The following DENND5A variants were observed in gnomAD, a reference collection of about 807,000 sequenced individuals.
DENND5A encodes DENN domain containing 5A.
In DENND5A, 64 loss-of-function variants were observed where a neutral mutation model predicts 140.3. That is an observed-to-expected ratio of 0.46 (90% CI 0.37 to 0.56). The LOEUF (loss-of-function observed/expected upper bound fraction) is 0.56, where lower values mean the gene tolerates loss of function less well. DENND5A is among the 20% of genes least tolerant of loss of function. The pLI, the probability that DENND5A is intolerant of heterozygous loss-of-function variation, is 0.00. For missense variants in DENND5A, 1,292 were observed against 1,593.8 expected (o/e 0.81, Z 3.22); for synonymous variants, 605 against 607.7 (o/e 1.00, Z 0.07).
Position 9,253,090 on chromosome 11 carries a change from C to A in DENND5A, c.109+11871G>T, listed in dbSNP as rs546252582. Among the ~76,000 whole-genome samples the A allele has an allele frequency of 2.0e-5, 3 of 152,146 alleles. No homozygotes were observed. In the East Asian group the frequency reaches 5.8e-4, roughly 29 times the overall value. ...TTGTCTCAAACTCCTGGCCTAAAGCCATCCTCCCCCACTCGGCCCCTCAAA... is the reference window on the plus strand; with the variant it reads ...TTGTCTCAAACTCCTGGCCTAAAGCAATCCTCCCCCACTCGGCCCCTCAAA... On this transcript the variant is annotated intron_variant, in intron 1 of 22. Coordinates refer to ENST00000328194, the MANE Select transcript of DENND5A (RefSeq NM_015213.4).
chr11:9,158,933 C>A (rs1159047450), intron 12 of DENND5A, among the ~76,000 whole-genome samples: 1 of 152,160 alleles, frequency 6.6e-6, no homozygotes, highest in Non-Finnish European at 1.5e-5. Context: ...GTTGTGCAAT[C>A]ATCACCACTA....
At chr11:9,164,218 TTTTTTTTTTTTTTTA>T (rs1564890353) in intron 11 of DENND5A, among the ~76,000 whole-genome samples, 4 of 75,310 alleles carry the variant, frequency 5.3e-5, no homozygotes, top group Non-Finnish European at 8.2e-5. Context: ...TTTTTTTTTT[TTTTTTTTTTTTTTTA>T]GTAGAGATGA....
chr11:9,242,684 A>T (rs1590326923), intron 1 of DENND5A: 1 of 152,242 alleles, frequency 6.6e-6, no homozygotes, highest in Admixed American at 6.5e-5. Flanking sequence ...ACAACCATTA[A>T]CTTAAATATC....
intron 4 of DENND5A, among the ~76,000 whole-genome samples, chr11:9,199,134 T>C (rs1429789807): frequency 6.6e-6 from 1 of 151,870 alleles, no homozygotes; most frequent in African/African-American, 2.4e-5. Flanking sequence ...GTGACTTAAC[T>C]GACTTTTTTG....
rs777621424 is a variant in DENND5A at position 9,180,764 on chromosome 11, T to C, written c.1455+3A>G. 2 of 1,613,374 alleles carry C rather than the reference T, an allele frequency of 1.2e-6. No homozygotes were observed. The highest frequency in any genetic ancestry group is 1.7e-5 in the Admixed American group (1 of 59,964). The stretch of plus-strand genomic sequence containing the variant: ...GTGTCACAGACTCATATACACATCT[T>C]ACCTTTTCCAGGCTCACCCCAGTTC... On this transcript the variant is annotated splice_donor_region_variant and intron_variant, in intron 6 of 22. Transcript: ENST00000328194.
chr11:9,238,521 A>G lies in DENND5A; in HGVS notation c.109+26440T>C, dbSNP rs966227872. On this transcript the variant is annotated intron_variant, in intron 1 of 22. Transcript: ENST00000328194. ...AACCTCTGCTTCCCGGGTTCACGCCATTCTCCTGCATCAGCTTCCCGAGTA... is the reference window on the plus strand; with the variant it reads ...AACCTCTGCTTCCCGGGTTCACGCCGTTCTCCTGCATCAGCTTCCCGAGTA... Among the ~76,000 whole-genome samples the G allele has an allele frequency of 4.6e-5, 7 of 150,782 alleles. No individual in the cohort carries two copies. In the South Asian group the frequency reaches 1.3e-3, roughly 27 times the overall value.
At chr11:9,260,987 C>A (rs1852170371) in intron 1 of DENND5A, among the ~76,000 whole-genome samples, 1 of 151,936 alleles carries the variant, frequency 6.6e-6, no homozygotes, top group Non-Finnish European at 1.5e-5. Flanking sequence ...CAGCTGGGAC[C>A]ACAGGTGCAT....
At chr11:9,218,831 C>T (rs532941637) in intron 1 of DENND5A, among the ~76,000 whole-genome samples, 1 of 152,154 alleles carries the variant, frequency 6.6e-6, no homozygotes, top group Admixed American at 6.5e-5. Context: ...CATGGTGAAA[C>T]CCCACCTCTA....
intron 8 of DENND5A, among the ~76,000 whole-genome samples, chr11:9,177,220 C>T (rs950835333): frequency 3.2e-4 from 48 of 149,952 alleles, no homozygotes; most frequent in African/African-American, 1.2e-3. Context: ...CACCACTACC[C>T]TCCAGCCTAG....
chr11:9,197,665 A>G (rs1397372280), intron 4 of DENND5A, among the ~76,000 whole-genome samples: 1 of 152,172 alleles, frequency 6.6e-6, no homozygotes, highest in Non-Finnish European at 1.5e-5. Flanking sequence ...ACTGCACTCT[A>G]GCCTGGGCAA....
intron 11 of DENND5A, among the ~76,000 whole-genome samples, chr11:9,165,366 T>C (rs905345822): frequency 1.3e-5 from 2 of 152,200 alleles, no homozygotes; most frequent in African/African-American, 4.8e-5. Flanking sequence ...TCTCAATTAA[T>C]GGTATATTTT....
Position 9,217,374 on chromosome 11 carries a change from C to T in DENND5A, c.110-9742G>A, listed in dbSNP as rs145387085. On this transcript the variant is annotated intron_variant, in intron 1 of 22. Transcript: ENST00000328194. ...ACTAAAAATGCAAAAATTAGCCAGG[C>T]GTGGTGGGGCACACCTGTAGTTCCA... Among the ~76,000 whole-genome samples, 846 of 152,084 alleles carry T rather than the reference C, an allele frequency of 5.6e-3. 11 individuals are homozygous for T. Among genetic ancestry groups the T allele is most frequent in the African/African-American group, 0.019 (790 of 41,502 alleles).
intron 1 of DENND5A, among the ~76,000 whole-genome samples, chr11:9,237,868 G>A (rs1263156275): frequency 1.3e-5 from 2 of 152,156 alleles, no homozygotes; most frequent in African/African-American, 4.8e-5. Context: ...GGGCGACAGA[G>A]CGAGGCTCCA....
At chr11:9,264,357 A>T (rs1852347282) in intron 1 of DENND5A, among the ~76,000 whole-genome samples, 1 of 152,116 alleles carries the variant, frequency 6.6e-6, no homozygotes, top group Non-Finnish European at 1.5e-5. Context: ...CAAAAAAGGC[A>T]TGGCCCCGGG....
chr11:9,243,164 C>A (rs1293399924), intron 1 of DENND5A, among the ~76,000 whole-genome samples: 2 of 145,038 alleles, frequency 1.4e-5, no homozygotes, highest in Non-Finnish European at 3.0e-5. Flanking sequence ...TGGAGACTAA[C>A]TCAATGACTT....
chr11:9,191,992 C>T (rs1384426747), intron 5 of DENND5A, among the ~76,000 whole-genome samples: 1 of 152,196 alleles, frequency 6.6e-6, no homozygotes, highest in Admixed American at 6.5e-5. Flanking sequence ...ATTATCTCAA[C>T]TCAATGATTT....
chr11:9,184,676 G>A (rs1487562466), intron 5 of DENND5A, among the ~76,000 whole-genome samples: 3 of 152,180 alleles, frequency 2.0e-5, no homozygotes, highest in African/African-American at 2.4e-5. Context: ...TCGTGTATTT[G>A]ATTTCACTTC....
intron 10 of DENND5A, among the ~76,000 whole-genome samples, chr11:9,166,606 G>A (rs1848200662): frequency 6.6e-6 from 1 of 151,956 alleles, no homozygotes; most frequent in East Asian, 1.9e-4. Flanking sequence ...GGCTGAGGTG[G>A]GTGGATCACA....
At chr11:9,190,804 G>A (rs535500881) in intron 5 of DENND5A, among the ~76,000 whole-genome samples, 4 of 152,228 alleles carry the variant, frequency 2.6e-5, no homozygotes, top group African/African-American at 7.2e-5. Context: ...TTATGCTTTT[G>A]TGCACTGTTA....
Sources: gnomAD v4.1 joint callset for allele counts (sites outside exome capture counted in the v4.1 genomes callset) on GRCh38, gnomAD v4.1.1 for gene constraint, MANE v1.5 for transcripts, NCBI Gene and HGNC (gene_info 2026-07-23, HGNC 2026-07-21) for gene names.